The following PIP4K2A variants were observed in gnomAD, a reference collection of about 807,000 sequenced individuals.
PIP4K2A encodes phosphatidylinositol 5-phosphate 4-kinase type-2 alpha.
In PIP4K2A, 14 loss-of-function variants were observed where a neutral mutation model predicts 42.9. That is an observed-to-expected ratio of 0.33 (90% confidence interval 0.22 to 0.51). The LOEUF (loss-of-function observed/expected upper bound fraction) is 0.51. Among genes scored for constraint, PIP4K2A ranks in the 20% least tolerant of loss-of-function variants. PIP4K2A has a pLI of 0.97. For synonymous variants in PIP4K2A, 192 were observed against 192.2 expected (o/e 1.00, Z 0.01); for missense variants, 434 against 519.8 (o/e 0.83, Z 1.61).
chr10:22,610,714 C>G (rs74620933), intron 1 of PIP4K2A, among the ~76,000 whole-genome samples: 1 of 152,080 alleles, frequency 6.6e-6, no homozygotes, highest in South Asian at 2.1e-4. Context: ...GGAGGGACTC[C>G]GAGGACAAAT....
At chr10:22,654,611 A>T (rs957864215) in intron 1 of PIP4K2A, among the ~76,000 whole-genome samples, 3 of 152,132 alleles carry the variant, frequency 2.0e-5, no homozygotes, top group Non-Finnish European at 4.4e-5. Context: ...GTGAGTTTTA[A>T]AGTGATTCAG....
At chr10:22,571,615 G>C (rs556401427) in intron 5 of PIP4K2A, among the ~76,000 whole-genome samples, 1 of 152,180 alleles carries the variant, frequency 6.6e-6, no homozygotes, top group African/African-American at 2.4e-5. Flanking sequence ...AATGGATTTC[G>C]ATGAAGAGTA....
intron 1 of PIP4K2A, among the ~76,000 whole-genome samples, chr10:22,671,046 A>G (rs1839438758): frequency 6.6e-6 from 1 of 152,174 alleles, no homozygotes; most frequent in African/African-American, 2.4e-5. Context: ...TTCACTGAGT[A>G]CCCAAGAGAC....
At chr10:22,638,819 A>T (rs1838720880) in intron 1 of PIP4K2A, among the ~76,000 whole-genome samples, 1 of 152,226 alleles carries the variant, frequency 6.6e-6, no homozygotes, top group African/African-American at 2.4e-5. Context: ...TATTTATTAC[A>T]GTTCTTCTGT....
chr10:22,560,058 C>A (rs1047151380), intron 6 of PIP4K2A, among the ~76,000 whole-genome samples: 11 of 152,142 alleles, frequency 7.2e-5, no homozygotes, highest in African/African-American at 2.4e-4. Context: ...CCTGCTTCTG[C>A]CCTAGTGGGA....
chr10:22,665,048 AT>A (rs1466872827), intron 1 of PIP4K2A, among the ~76,000 whole-genome samples: 1 of 152,206 alleles, frequency 6.6e-6, no homozygotes, highest in Non-Finnish European at 1.5e-5. Context: ...CAATATTTTG[AT>A]TTTTGTATAC....
intron 6 of PIP4K2A, among the ~76,000 whole-genome samples, chr10:22,552,542 A>G (rs1448078543): frequency 6.6e-6 from 1 of 152,176 alleles, no homozygotes; most frequent in Admixed American, 6.5e-5. Context: ...ATCACACTAG[A>G]TTATAAGGTT....
intron 1 of PIP4K2A, among the ~76,000 whole-genome samples, chr10:22,681,153 A>G (rs138234297): frequency 2.3e-4 from 35 of 152,248 alleles, no homozygotes; most frequent in South Asian, 1.2e-3. Context: ...TCTCAGCATA[A>G]AAGTGTCTTG....
chr10:22,562,855 C>G (rs941669918), intron 6 of PIP4K2A, among the ~76,000 whole-genome samples: 1 of 152,156 alleles, frequency 6.6e-6, no homozygotes, highest in African/African-American at 2.4e-5. Context: ...TATTGGATAT[C>G]TCTGTTCTGA....
At chr10:22,601,141 A>AAAAAAAAAAAAAAAC in intron 3 of PIP4K2A, among the ~76,000 whole-genome samples, 1 of 125,606 alleles carries the variant, frequency 8.0e-6, no homozygotes, top group Non-Finnish European at 1.7e-5. Flanking sequence ...AAAAAAAAAA[A>AAAAAAAAAAAAAAAC]AAAAAAAAAA....
intron 1 of PIP4K2A, among the ~76,000 whole-genome samples, chr10:22,682,421 T>C (rs1480463209): frequency 1.3e-5 from 2 of 152,140 alleles, no homozygotes; most frequent in African/African-American, 4.8e-5. Context: ...ATCTAAAAAT[T>C]AGGAAACCAC....
chr10:22,649,597 G>A (rs1838951566), intron 1 of PIP4K2A, among the ~76,000 whole-genome samples: 1 of 152,200 alleles, frequency 6.6e-6, no homozygotes, highest in African/African-American at 2.4e-5. Flanking sequence ...ACACAAGGAA[G>A]GAAGAAGTCT....
chr10:22,684,474 T>C (rs1250990879), intron 1 of PIP4K2A, among the ~76,000 whole-genome samples: 3 of 152,230 alleles, frequency 2.0e-5, no homozygotes, highest in African/African-American at 7.2e-5. Flanking sequence ...AATGCGCTTG[T>C]TTCATTATAC....
At chr10:22,543,972 G>A (rs7900881) in intron 7 of PIP4K2A, among the ~76,000 whole-genome samples, 140,265 of 152,218 alleles carry the variant, frequency 0.92, 64,728 homozygotes, top group East Asian at 1. Flanking sequence ...CAAGGATTCA[G>A]ATCCAAGGAG....
At chr10:22,647,339 T>C (rs938974507) in intron 1 of PIP4K2A, among the ~76,000 whole-genome samples, 2 of 151,796 alleles carry the variant, frequency 1.3e-5, no homozygotes, top group African/African-American at 2.4e-5. Flanking sequence ...TGTGTGTGTG[T>C]GCACGCGCGT....
At chr10:22,699,832 A>T (rs1335838518) in intron 1 of PIP4K2A, among the ~76,000 whole-genome samples, 1 of 152,246 alleles carries the variant, frequency 6.6e-6, no homozygotes, top group East Asian at 1.9e-4. Context: ...TCCAGATTTT[A>T]GGCAGACCAC....
chr10:22,703,338 C>G (rs12249907), intron 1 of PIP4K2A, among the ~76,000 whole-genome samples: 65,039 of 151,976 alleles, frequency 0.43, 15,885 homozygotes, highest in African/African-American at 0.67. Flanking sequence ...GAGCCCAGGA[C>G]TTCAAGGCTG....
intron 3 of PIP4K2A, among the ~76,000 whole-genome samples, chr10:22,603,173 A>C (rs560628676): frequency 4.6e-5 from 7 of 152,306 alleles, no homozygotes; most frequent in African/African-American, 1.2e-4. Flanking sequence ...AAACACAAAG[A>C]AGAAAGGGCA....
rs566152823 is a variant in PIP4K2A, at chr10:22,572,691, A to C, written c.639+620T>G. ...TCATAGTTTTCCAACCCCTAACTTGAACATTCTCCCCTGAATTGGTGATAC... is the reference window on the plus strand; with the variant it reads ...TCATAGTTTTCCAACCCCTAACTTGCACATTCTCCCCTGAATTGGTGATAC... On this transcript the variant is annotated intron_variant, in intron 5 of 9. Coordinates refer to ENST00000376573, the MANE Select transcript of PIP4K2A (RefSeq NM_005028.5). Among the ~76,000 whole-genome samples the C allele has an allele frequency of 3.2e-4, 49 of 152,318 alleles. No homozygotes were observed. In the South Asian group the frequency reaches 7.9e-3, roughly 24 times the overall value.
Sources: gnomAD v4.1 joint callset for allele counts (sites outside exome capture counted in the v4.1 genomes callset) on GRCh38, gnomAD v4.1.1 for gene constraint, MANE v1.5 for transcripts, NCBI Gene and HGNC (gene_info 2026-07-23, HGNC 2026-07-21) for gene names.